C2orf74: variants seen among roughly 807,000 people sequenced by gnomAD.
The protein encoded by C2orf74 is uncharacterized protein C2orf74.
In C2orf74, 14 loss-of-function variants were observed where a neutral mutation model predicts 17.9. The observed-to-expected ratio is 0.78, with a 90% CI of 0.52 to 1.22. The LOEUF is 1.22. Ranked by LOEUF, C2orf74 falls within the 50% of genes most tolerant of loss-of-function variation. The pLI is 0.00. For synonymous variants in C2orf74, 79 were observed against 72.6 expected (o/e 1.09, Z -0.44); for missense variants, 217 against 218.4 (o/e 0.99, Z 0.04).
At chr2:61,149,648 G>A (rs964250672) in intron 1 of C2orf74, among the ~76,000 whole-genome samples, 18 of 140,180 alleles carry the variant, frequency 1.3e-4, no homozygotes, top group African/African-American at 4.8e-4. Flanking sequence ...GCACAATCTT[G>A]GCTCACTGCA....
intron 1 of C2orf74, among the ~76,000 whole-genome samples, chr2:61,156,907 TC>T (rs1359408539): frequency 6.6e-6 from 1 of 152,000 alleles, no homozygotes; most frequent in Non-Finnish European, 1.5e-5. Context: ...CAAAAAAGAT[TC>T]TAGGTATTTA....
intron 1 of C2orf74, among the ~76,000 whole-genome samples, chr2:61,145,702 C>T (rs1008398405): frequency 6.6e-6 from 1 of 152,090 alleles, no homozygotes; most frequent in Non-Finnish European, 1.5e-5. Flanking sequence ...GGATTACAGG[C>T]GTGAGCCACC....
At chr2:61,156,112 T>A (rs928295832) in intron 1 of C2orf74, among the ~76,000 whole-genome samples, 2 of 152,044 alleles carry the variant, frequency 1.3e-5, no homozygotes, top group Non-Finnish European at 2.9e-5. Flanking sequence ...GGTGGGAGGA[T>A]CACTTGACCC....
intron 1 of C2orf74, among the ~76,000 whole-genome samples, chr2:61,148,718 T>G (rs1685139629): frequency 6.6e-6 from 1 of 152,146 alleles, no homozygotes; most frequent in Non-Finnish European, 1.5e-5. Context: ...AGTGTTTAGC[T>G]TGTCTTTTGT....
At chr2:61,156,624 C>T (rs920222861) in intron 1 of C2orf74, among the ~76,000 whole-genome samples, 1 of 152,188 alleles carries the variant, frequency 6.6e-6, no homozygotes, top group Non-Finnish European at 1.5e-5. Flanking sequence ...TGGCTCATGC[C>T]TGTAATCCTA....
intron 4 of C2orf74, among the ~76,000 whole-genome samples, 151 bp downstream of exon 4, chr2:61,163,383 C>G (rs1399877925): frequency 6.6e-6 from 1 of 151,936 alleles, no homozygotes; most frequent in Non-Finnish European, 1.5e-5. Flanking sequence ...CCAAGGAGGG[C>G]GGATCACGAG....
chr2:61,160,163 C>CTT (rs58224099), upstream of C2orf74, among the ~76,000 whole-genome samples: 96 of 147,282 alleles, frequency 6.5e-4, no homozygotes, highest in Middle Eastern at 3.5e-3. Flanking sequence ...AATGTCATTC[C>CTT]TTTTTTTTTT....
Position 61,162,494 on chromosome 2 carries a change from A to G in C2orf74, c.-21A>G. Reference sequence around the variant, plus strand: ...GGACAGTCTGTGATTGTGAGAGTGGATGAGTCTTCTAGCTAAACCTATGAG... The same window carrying G: ...GGACAGTCTGTGATTGTGAGAGTGGGTGAGTCTTCTAGCTAAACCTATGAG... On this transcript the variant is annotated 5_prime_UTR_variant, in exon 2 of 5. An upstream start codon of the reference 5' UTR is lost. Transcript: ENST00000432605. The G allele has an allele frequency of 6.5e-7, 1 of 1,532,158 alleles. No individual in the cohort carries two copies. The allele number at this position is 1,532,158 out of a possible 1,614,324, so 94.9% of individuals were successfully genotyped here.
chr2:61,156,591 A>G (rs1685397922), intron 1 of C2orf74, among the ~76,000 whole-genome samples: 1 of 152,080 alleles, frequency 6.6e-6, no homozygotes, highest in Admixed American at 6.5e-5. Context: ...TCCAACAATA[A>G]GAAAATAATT....
intron 1 of C2orf74, among the ~76,000 whole-genome samples, chr2:61,146,707 G>A (rs1685079152): frequency 6.6e-6 from 1 of 152,136 alleles, no homozygotes; most frequent in African/African-American, 2.4e-5. Context: ...GGTGGCGCAT[G>A]CCTGTGGTCC....
intron 1 of C2orf74, among the ~76,000 whole-genome samples, chr2:61,150,338 C>T (rs1471064928): frequency 6.6e-6 from 1 of 152,152 alleles, no homozygotes; most frequent in Non-Finnish European, 1.5e-5. Flanking sequence ...AGAGCACCTC[C>T]AGCAAGAGTA....
chr2:61,149,449 T>G (rs1331529447), intron 1 of C2orf74, among the ~76,000 whole-genome samples: 1 of 152,122 alleles, frequency 6.6e-6, no homozygotes, highest in Admixed American at 6.6e-5. Context: ...GAAAAACTTT[T>G]GGCCCTTCTC....
upstream of C2orf74, chr2:61,162,042 C>G (rs1685576606): frequency 1.3e-5 from 2 of 159,928 alleles, no homozygotes; most frequent in South Asian, 3.6e-4. Flanking sequence ...GGGGGACGAA[C>G]AGGCAACAGC....
intron 1 of C2orf74, among the ~76,000 whole-genome samples, chr2:61,146,600 C>T (rs1173149518): frequency 6.6e-6 from 1 of 152,146 alleles, no homozygotes; most frequent in Non-Finnish European, 1.5e-5. Context: ...TTTTGGGAGG[C>T]CGAGACGGGC....
chr2:61,155,459 C>T (rs1188315432), intron 1 of C2orf74, among the ~76,000 whole-genome samples: 1 of 152,104 alleles, frequency 6.6e-6, no homozygotes, highest in Non-Finnish European at 1.5e-5. Flanking sequence ...ATTATATTAT[C>T]TCCCTTTTGC....
Position 61,162,460 on chromosome 2 carries a change from A to G in C2orf74, c.-55A>G. On this transcript the variant is annotated 5_prime_UTR_variant, in exon 2 of 5. Coordinates refer to ENST00000432605, the MANE Select transcript of C2orf74 (RefSeq NM_001143959.4). ...AACTGCATTCAAATTGAGCTGGAAA[A>G]GAATATTTGGACAGTCTGTGATTGT... 1 of 1,295,596 alleles carries G rather than the reference A, an allele frequency of 7.7e-7. No individual in the cohort carries two copies. The highest frequency in any genetic ancestry group is 1.4e-5 in the South Asian group (1 of 73,898). The allele number at this position is 1,295,596 out of a possible 1,614,324, so 80.3% of individuals were successfully genotyped here.
chr2:61,151,389 A>G (rs1341640619), intron 1 of C2orf74: 4 of 148,548 alleles, frequency 2.7e-5, no homozygotes, highest in East Asian at 2.0e-4. Flanking sequence ...AGGCTATACT[A>G]GATACCTATT....
intron 4 of C2orf74, 49 bp downstream of exon 4, chr2:61,163,281 G>A (rs1270396244): frequency 3.9e-6 from 6 of 1,520,080 alleles, no homozygotes; most frequent in Non-Finnish European, 5.3e-6. Flanking sequence ...TTGTTTGATT[G>A]AAAATAAGGT....
At chr2:61,147,872 A>G (rs1298049416) in intron 1 of C2orf74, among the ~76,000 whole-genome samples, 3 of 151,538 alleles carry the variant, frequency 2.0e-5, no homozygotes, top group African/African-American at 7.3e-5. Flanking sequence ...GGTTGGAGCA[A>G]TTCTCCTGCC....
Sources: gnomAD v4.1 joint callset for allele counts (sites outside exome capture counted in the v4.1 genomes callset) on GRCh38, gnomAD v4.1.1 for gene constraint, MANE v1.5 for transcripts, NCBI Gene and HGNC (gene_info 2026-07-23, HGNC 2026-07-21) for gene names.